Variants in RBFOX1 observed in about 807,000 individuals in gnomAD.
The protein encoded by RBFOX1 is RNA binding fox-1 homolog 1.
A neutral mutation model predicts 57.7 loss-of-function variants in RBFOX1; 8 were observed. The observed-to-expected ratio is 0.14, with a 90% CI of 0.08 to 0.25. The LOEUF (loss-of-function observed/expected upper bound fraction) is 0.25. RBFOX1 is among the 10% of genes least tolerant of loss of function. The pLI, the probability that RBFOX1 is intolerant of heterozygous loss-of-function variation, is 1.00. For missense variants in RBFOX1, 611 were observed against 548.5 expected (o/e 1.11, Z -1.14); for synonymous variants, 326 against 222.4 (o/e 1.47, Z -4.15).
chr16:6,707,545 C>A (rs1387973121), intron 3 of RBFOX1, among the ~76,000 whole-genome samples: 4 of 139,184 alleles, frequency 2.9e-5, no homozygotes, highest in South Asian at 4.6e-4. Flanking sequence ...CATCTTGGGG[C>A]ATTTCTAAGA....
At chr16:7,317,988 G>T (rs1032069681) in intron 4 of RBFOX1, among the ~76,000 whole-genome samples, 5 of 152,048 alleles carry the variant, frequency 3.3e-5, no homozygotes, top group Admixed American at 3.3e-4. Context: ...TGGTGATAGT[G>T]GTGGTGACTG....
At chr16:6,440,198 G>A (rs140806372) in intron 2 of RBFOX1, among the ~76,000 whole-genome samples, 1,762 of 151,994 alleles carry the variant, frequency 0.012, 37 homozygotes, top group African/African-American at 0.041. Flanking sequence ...GCCTCCCAAA[G>A]TGCTGGGATT....
intron 4 of RBFOX1, among the ~76,000 whole-genome samples, chr16:7,448,095 C>A (rs2098822622): frequency 6.6e-6 from 1 of 152,204 alleles, no homozygotes; most frequent in Admixed American, 6.5e-5. Flanking sequence ...TCTTAAGATG[C>A]AGCATTTACT....
intron 3 of RBFOX1, among the ~76,000 whole-genome samples, chr16:5,748,712 C>G (rs569611192): frequency 6.6e-6 from 1 of 152,050 alleles, no homozygotes; most frequent in African/African-American, 2.4e-5. Context: ...TTTTTGTTTT[C>G]CATTTGCTTG....
chr16:7,462,941 C>T (rs911375753), intron 4 of RBFOX1, among the ~76,000 whole-genome samples: 4 of 152,208 alleles, frequency 2.6e-5, no homozygotes, highest in African/African-American at 7.2e-5. Flanking sequence ...TAGTTCAGCT[C>T]TTCTCCTGAT....
At chr16:5,871,274 C>T (rs145688745) in intron 4 of RBFOX1, among the ~76,000 whole-genome samples, 1 of 152,310 alleles carries the variant, frequency 6.6e-6, no homozygotes, top group East Asian at 1.9e-4. Context: ...CCTCTGCTAG[C>T]CGCAAAGCAC....
intron 4 of RBFOX1, among the ~76,000 whole-genome samples, chr16:7,140,655 A>T (rs913620202): frequency 6.6e-6 from 1 of 152,184 alleles, no homozygotes; most frequent in Non-Finnish European, 1.5e-5. Context: ...TGAACCAACA[A>T]TTCCTGTGTG....
intron 4 of RBFOX1, among the ~76,000 whole-genome samples, chr16:7,097,009 A>G (rs1194302395): frequency 6.6e-6 from 1 of 151,882 alleles, no homozygotes; most frequent in East Asian, 1.9e-4. Flanking sequence ...CTGTTACCAG[A>G]AAGCGAAATG....
intron 2 of RBFOX1, among the ~76,000 whole-genome samples, chr16:6,530,862 G>A (rs1599019521): frequency 1.3e-5 from 2 of 152,060 alleles, no homozygotes; most frequent in South Asian, 4.2e-4. Flanking sequence ...CAACATGTGG[G>A]AATTGTAAGA....
chr16:7,456,052 C>G (rs1230271052), intron 4 of RBFOX1, among the ~76,000 whole-genome samples: 1 of 152,116 alleles, frequency 6.6e-6, no homozygotes, highest in Non-Finnish European at 1.5e-5. Flanking sequence ...TTGAAGAGCC[C>G]CGCATGTGGT....
At chr16:7,050,128 A>G (rs1280267440) in intron 3 of RBFOX1, among the ~76,000 whole-genome samples, 2 of 145,084 alleles carry the variant, frequency 1.4e-5, no homozygotes, top group Non-Finnish European at 3.0e-5. Context: ...AAAGTCACCT[A>G]TTTCAGGTGT....
At chr16:5,426,899 A>G (rs2067577423) in intron 1 of RBFOX1, among the ~76,000 whole-genome samples, 3 of 152,200 alleles carry the variant, frequency 2.0e-5, no homozygotes, top group South Asian at 4.1e-4. Flanking sequence ...TACAGGTGAG[A>G]AAATTGGAGC....
At chr16:7,326,050 G>T (rs1033013909) in intron 4 of RBFOX1, among the ~76,000 whole-genome samples, 1 of 152,254 alleles carries the variant, frequency 6.6e-6, no homozygotes, top group East Asian at 1.9e-4. Flanking sequence ...TAACTGACCA[G>T]GCACACATTC....
chr16:7,699,222 C>T (rs565403334), intron 14 of RBFOX1, among the ~76,000 whole-genome samples: 3 of 152,268 alleles, frequency 2.0e-5, no homozygotes, highest in Non-Finnish European at 4.4e-5. Context: ...GGGTCTCTGT[C>T]ATCCAGGCTG....
intron 2 of RBFOX1, among the ~76,000 whole-genome samples, chr16:6,422,142 C>G (rs2093792277): frequency 6.6e-6 from 1 of 151,794 alleles, no homozygotes; most frequent in Admixed American, 6.6e-5. Context: ...TGGCTGGTCT[C>G]AAACTCCTGA....
intron 3 of RBFOX1, among the ~76,000 whole-genome samples, chr16:7,021,139 T>C (rs2038913300): frequency 6.6e-6 from 1 of 151,978 alleles, no homozygotes; most frequent in Non-Finnish European, 1.5e-5. Flanking sequence ...AAAAAATTGT[T>C]TTTTGTTGAA....
At chr16:6,004,281 T>C (rs935979490) in intron 4 of RBFOX1, among the ~76,000 whole-genome samples, 4 of 152,224 alleles carry the variant, frequency 2.6e-5, no homozygotes, top group African/African-American at 9.6e-5. Flanking sequence ...TGCTGCTTAT[T>C]ACCTGGGTGA....
chr16:7,344,715 A>G (rs919339767), intron 4 of RBFOX1, among the ~76,000 whole-genome samples: 3 of 152,324 alleles, frequency 2.0e-5, no homozygotes, highest in African/African-American at 7.2e-5. Flanking sequence ...GAGGCTCAGC[A>G]AAGTGGAACA....
chr16:7,502,985 T>G (rs2071493920), intron 4 of RBFOX1, among the ~76,000 whole-genome samples: 1 of 151,844 alleles, frequency 6.6e-6, no homozygotes, highest in Non-Finnish European at 1.5e-5. Flanking sequence ...GTCACACCAC[T>G]GCACTCCAGC....
Sources: allele counts gnomAD v4.1 joint callset (sites outside exome capture counted in the v4.1 genomes callset), GRCh38; gene constraint gnomAD v4.1.1; transcripts MANE v1.5; gene names NCBI Gene and HGNC (gene_info 2026-07-23, HGNC 2026-07-21).